FAS: variants seen among roughly 807,000 people sequenced by gnomAD.
FAS encodes the protein tumor necrosis factor receptor superfamily member 6.
In FAS, 5 loss-of-function variants were observed where a neutral mutation model predicts 33.2. That is an observed-to-expected ratio of 0.15 (90% CI 0.08 to 0.32). The LOEUF is 0.32. Ranked by LOEUF, FAS falls within the 10% of genes least tolerant of loss-of-function variation. The probability of loss-of-function intolerance (pLI) is 1.00; values close to 1 mark genes in which losing one functional copy is unlikely to be tolerated. For missense variants in FAS, 339 were observed against 386.0 expected (o/e 0.88, Z 1.02); for synonymous variants, 131 against 130.7 (o/e 1.00, Z -0.01).
chr10:88,994,268 A>G (rs1847447645), intron 1 of FAS, among the ~76,000 whole-genome samples: 2 of 152,230 alleles, frequency 1.3e-5, no homozygotes, highest in African/African-American at 2.4e-5. Flanking sequence ...CTGTTTCTTA[A>G]GAGATGGTCT....
In FAS at chr10:89,008,938, A is replaced by T; in HGVS notation, c.384A>T (p.Arg128Ser). 6.2e-7 allele frequency: 1 copy of T among 1,614,084 alleles called. No homozygotes were observed. The highest frequency in any genetic ancestry group is 8.5e-7 in the Non-Finnish European group (1 of 1,179,920). The change falls in exon 4 of 9, where the codon AGA (arginine) becomes AGT (serine). Residue 128 changes from arginine to serine, a missense_variant. Around this residue, in one of 3 missense-constraint regions of FAS, gnomAD observed 276 missense variants for 300.1 expected, o/e 0.92. Transcript: ENST00000652046. ...CCCGGACCCAGAATACCAAGTGCAG[A>T]TGTAAACCAAACTTTTTTTGTAACT... is the stretch of plus-strand genomic sequence containing the variant. ...NCTRTQNTKC[R>S]CKPNFFCNST...
intron 1 of FAS, among the ~76,000 whole-genome samples, chr10:88,964,319 T>C (rs932089367): frequency 4.6e-5 from 7 of 152,148 alleles, no homozygotes; most frequent in African/African-American, 1.4e-4. Flanking sequence ...AATGAGCAAT[T>C]CTCAAAGAAG....
At chr10:88,975,587 G>A (rs1034900201) in intron 2 of FAS, among the ~76,000 whole-genome samples, 1 of 152,148 alleles carries the variant, frequency 6.6e-6, no homozygotes, top group Non-Finnish European at 1.5e-5. Flanking sequence ...TCTGGGCTTA[G>A]GAAAATGGGG....
intron 1 of FAS, among the ~76,000 whole-genome samples, chr10:89,001,147 C>G (rs565914893): frequency 6.6e-6 from 1 of 152,304 alleles, no homozygotes; most frequent in African/African-American, 2.4e-5. Flanking sequence ...TAAATCACAA[C>G]AAACCGTTTG....
chr10:88,985,045 G>A (rs997967424), upstream of FAS, among the ~76,000 whole-genome samples: 12 of 152,308 alleles, frequency 7.9e-5, no homozygotes, highest in East Asian at 5.8e-4. Context: ...TATAAAAGGC[G>A]TTGGTGATGG....
intron 1 of FAS, among the ~76,000 whole-genome samples, chr10:88,967,483 A>C (rs1846340175): frequency 6.6e-6 from 1 of 152,160 alleles, no homozygotes; most frequent in South Asian, 2.1e-4. Flanking sequence ...TGGAATACTG[A>C]ATTCTGGTGA....
chr10:88,968,323 A>G (rs1846358131), intron 1 of FAS, among the ~76,000 whole-genome samples: 1 of 152,222 alleles, frequency 6.6e-6, no homozygotes, highest in South Asian at 2.1e-4. Flanking sequence ...TATGTAATAC[A>G]GGTGATTCCT....
upstream of FAS, chr10:88,990,763 C>G (rs1847123715): frequency 7.2e-7 from 1 of 1,390,502 alleles, no homozygotes; most frequent in African/African-American, 1.4e-5. This position sits in a 1 kb window ranked among gnomAD's most constrained non-coding sequence, Gnocchi z 4.9. Flanking sequence ...CGGAACACAC[C>G]CTGAGGCCAG....
chr10:88,967,553 C>T (rs148150586), intron 1 of FAS, among the ~76,000 whole-genome samples: 17 of 152,308 alleles, frequency 1.1e-4, no homozygotes, highest in African/African-American at 3.1e-4. Context: ...TGACAATCCA[C>T]GTTACCTAAG....
chr10:88,998,287 T>C (rs1847717119), intron 1 of FAS, among the ~76,000 whole-genome samples: 1 of 152,026 alleles, frequency 6.6e-6, no homozygotes. Flanking sequence ...CCTCTTCTTT[T>C]TTTTTAATTT....
intron 1 of FAS, among the ~76,000 whole-genome samples, chr10:88,965,374 G>A (rs938672418): frequency 2.6e-5 from 4 of 152,154 alleles, no homozygotes; most frequent in Admixed American, 1.3e-4. Context: ...CATCTCAGAC[G>A]TTGTTAGTTT....
chr10:88,983,155 A>C (rs981188447), upstream of FAS, among the ~76,000 whole-genome samples: 1 of 152,152 alleles, frequency 6.6e-6, no homozygotes, highest in African/African-American at 2.4e-5. Context: ...TCTTAATTAG[A>C]TTATCTTTAT....
chr10:88,981,264 G>C (rs1187215368), intron 2 of FAS, among the ~76,000 whole-genome samples: 1 of 152,190 alleles, frequency 6.6e-6, no homozygotes, highest in African/African-American at 2.4e-5. Flanking sequence ...GATAATATTA[G>C]ATGTTAAGAT....
upstream of FAS, among the ~76,000 whole-genome samples, chr10:88,987,636 C>T (rs7898329): frequency 5.8e-4 from 88 of 152,318 alleles, no homozygotes; most frequent in African/African-American, 2.0e-3. Context: ...CAGTAAAGAT[C>T]CCAAAATCTA....
In FAS at chr10:89,010,587, G is replaced by A; in HGVS notation, c.492G>A (p.Lys164=). The change falls in exon 5 of 9, where the codon AAG becomes AAA. Residue 164 remains lysine (K), a synonymous_variant. Transcript: ENST00000652046. ...AATGCACACTCACCAGCAACACCAA[G>A]TGCAAAGAGGAAGGTAATTATTTTT... is the stretch of plus-strand genomic sequence containing the variant. The part of the protein sequence containing the change: ...IKECTLTSNT[K]CKEEGSRSNL... The A allele has an allele frequency of 1.2e-6, 2 of 1,613,754 alleles. No homozygotes were observed. The highest frequency in any genetic ancestry group is 1.7e-6 in the Non-Finnish European group (2 of 1,179,848).
chr10:88,991,208 T>G, intron 1 of FAS: 1 of 550,692 alleles, frequency 1.8e-6, no homozygotes, highest in African/African-American at 1.9e-5. Flanking sequence ...GCGCTCCACG[T>G]TGAGGTGGGC....
chr10:89,004,795 G>A (rs750349511), intron 2 of FAS, among the ~76,000 whole-genome samples: 10 of 151,908 alleles, frequency 6.6e-5, no homozygotes, highest in African/African-American at 1.9e-4. Flanking sequence ...TCCCTGATCC[G>A]TCTATAAAAT....
intron 1 of FAS, among the ~76,000 whole-genome samples, chr10:89,001,713 A>G (rs1847941633): frequency 6.6e-6 from 1 of 152,202 alleles, no homozygotes; most frequent in Non-Finnish European, 1.5e-5. Context: ...ATGGGTGAAT[A>G]TCCAATTGTT....
At position 89,014,681 on chromosome 10, in the gene FAS, T is replaced by C. The variant is rs1279526757; in HGVS notation, c.*231T>C. 1.5e-6 allele frequency: 1 copy of C among 669,000 alleles called. No homozygotes were observed. The highest frequency in any genetic ancestry group is 2.7e-6 in the Non-Finnish European group (1 of 365,418). The allele number at this position is 669,000 out of a possible 1,614,324, so 41.4% of individuals were successfully genotyped here. On this transcript the variant is annotated 3_prime_UTR_variant, in exon 9 of 9. Coordinates refer to ENST00000652046, the MANE Select transcript of FAS (RefSeq NM_000043.6). Reference sequence around the variant, plus strand: ...ATCAAGAGTAAATGCAGTGGCATGCTAAGTACCCAAATAGGAGTGTATGCA... The same window carrying C: ...ATCAAGAGTAAATGCAGTGGCATGCCAAGTACCCAAATAGGAGTGTATGCA...
Sources: allele counts gnomAD v4.1 joint callset (sites outside exome capture counted in the v4.1 genomes callset), GRCh38; gene constraint gnomAD v4.1.1; regional missense constraint gnomAD v4.1.1; non-coding constraint Gnocchi (gnomAD v3.1); transcripts MANE v1.5; gene names NCBI Gene and HGNC (gene_info 2026-07-23, HGNC 2026-07-21).